Variants in SV2C observed in about 807,000 individuals in gnomAD.
SV2C encodes the protein solute carrier family 22 member B3.
In SV2C, 49 loss-of-function variants were observed where a neutral mutation model predicts 79.7. The ratio of observed to expected loss-of-function variants is 0.61; its 90% CI spans 0.49 to 0.78. SV2C has a LOEUF of 0.78. Among genes scored for constraint, SV2C ranks in the 30% least tolerant of loss-of-function variants. The probability of loss-of-function intolerance (pLI) is 0.00; values close to 1 mark genes in which losing one functional copy is unlikely to be tolerated. For synonymous variants in SV2C, 334 were observed against 333.2 expected, an observed-to-expected ratio of 1.00 and a Z score of -0.03; for missense variants, 833 against 912.9, an observed-to-expected ratio of 0.91 and a Z score of 1.13.
intron 1 of SV2C, among the ~76,000 whole-genome samples, chr5:76,088,219 T>C (rs543485640): frequency 3.9e-5 from 6 of 152,364 alleles, no homozygotes; most frequent in Non-Finnish European, 8.8e-5. Context: ...TAATACAGTG[T>C]GCTTTTCCTC....
At chr5:76,243,138 G>A (rs1211399076) in intron 4 of SV2C, among the ~76,000 whole-genome samples, 1 of 152,018 alleles carries the variant, frequency 6.6e-6, no homozygotes, top group East Asian at 1.9e-4. Context: ...AGAGGTTGGT[G>A]AGGGGCAAGG....
At chr5:75,869,346 G>A in the SV2C span, among the ~76,000 whole-genome samples, 1 of 152,324 alleles carries the variant, frequency 6.6e-6, no homozygotes, top group African/African-American at 2.4e-5. Flanking sequence ...GGGCATTAAG[G>A]GAATATCATT....
chr5:76,099,884 T>A (rs1747680816), intron 1 of SV2C, among the ~76,000 whole-genome samples: 1 of 152,214 alleles, frequency 6.6e-6, no homozygotes, highest in African/African-American at 2.4e-5. Context: ...TTTTTTAGGC[T>A]CAGATTTCTC....
At chr5:75,902,458 C>G in the SV2C span, among the ~76,000 whole-genome samples, 2 of 152,218 alleles carry the variant, frequency 1.3e-5, no homozygotes, top group African/African-American at 4.8e-5. Context: ...TAGCTGTCAT[C>G]CCTTTCACCT....
the SV2C span, among the ~76,000 whole-genome samples, chr5:75,885,762 T>G: frequency 6.6e-6 from 1 of 152,018 alleles, no homozygotes; most frequent in Admixed American, 6.6e-5. Context: ...TGCTGGCATC[T>G]ATGAACTTGT....
chr5:76,266,708 T>G (rs559110990), intron 4 of SV2C, among the ~76,000 whole-genome samples: 1 of 151,736 alleles, frequency 6.6e-6, no homozygotes, highest in Non-Finnish European at 1.5e-5. Context: ...CAGTTTGGGA[T>G]GATGGAAATA....
In SV2C at chr5:76,325,499, A is replaced by G. The variant is rs1172585182; in HGVS notation, c.2136A>G (p.Gly712=). ...CTTCTACTGTGCTCGTGTGTGGAGGACTCGTTGGGCTGTGCCTGCCTGACA... is the reference window on the plus strand; with the variant it reads ...CTTCTACTGTGCTCGTGTGTGGAGGGCTCGTTGGGCTGTGCCTGCCTGACA... ...LLASTVLVCG[G]LVGLCLPDTR... The change falls in exon 13 of 13, where the codon GGA becomes GGG. Residue 712 remains glycine (G), a synonymous_variant. Coordinates refer to ENST00000502798, the MANE Select transcript of SV2C (RefSeq NM_014979.4). The G allele has an allele frequency of 1.2e-6, 2 of 1,613,752 alleles. No individual in the cohort carries two copies. Among genetic ancestry groups the G allele is most frequent in the East Asian group, 2.2e-5 (1 of 44,890 alleles).
rs1416031770 is a variant in SV2C at position 76,191,773 on chromosome 5, G to A, written c.581-3146G>A. Among the ~76,000 whole-genome samples the A allele has an allele frequency of 2.0e-5, 3 of 152,360 alleles. No individual in the cohort carries two copies. In the East Asian group the frequency reaches 5.8e-4, roughly 29 times the overall value. ...TAAGAGCCTGGACTGGCCAGGAATG[G>A]CCTTCACCAGAACTATGGTAGGAAG... is the stretch of plus-strand genomic sequence containing the variant. On this transcript the variant is annotated intron_variant, in intron 2 of 12. Transcript: ENST00000502798.
chr5:75,935,836 G>C, the SV2C span, among the ~76,000 whole-genome samples: 1 of 152,078 alleles, frequency 6.6e-6, no homozygotes, highest in African/African-American at 2.4e-5. Flanking sequence ...CATAGCTACA[G>C]GTTTTCTATT....
chr5:76,080,584 T>G (rs549245525), upstream of SV2C, among the ~76,000 whole-genome samples: 12 of 152,370 alleles, frequency 7.9e-5, no homozygotes, highest in South Asian at 2.5e-3. Flanking sequence ...ATAACCACTA[T>G]AGCATCTGTA....
the SV2C span, among the ~76,000 whole-genome samples, chr5:75,895,383 A>G: frequency 9.8e-5 from 15 of 152,304 alleles, no homozygotes; most frequent in African/African-American, 2.6e-4. Flanking sequence ...AAATATGTTC[A>G]AATAACTGAA....
chr5:75,849,734 G>A, the SV2C span, among the ~76,000 whole-genome samples: 1 of 152,144 alleles, frequency 6.6e-6, no homozygotes, highest in African/African-American at 2.4e-5. Context: ...AGTGTTAAAA[G>A]ATTTGAATTT....
chr5:75,952,256 T>TCCG, the SV2C span, among the ~76,000 whole-genome samples: 1 of 100,966 alleles, frequency 9.9e-6, no homozygotes, highest in Non-Finnish European at 2.1e-5. Context: ...TTTTCCTTCC[T>TCCG]TCCTTCCTTC....
intron 4 of SV2C, among the ~76,000 whole-genome samples, chr5:76,246,583 C>A (rs921890053): frequency 6.6e-6 from 1 of 152,060 alleles, no homozygotes; most frequent in African/African-American, 2.4e-5. Context: ...TAAGTAGGCA[C>A]CTTCTGGGTC....
chr5:76,289,417 T>G (rs1266591929), intron 6 of SV2C, among the ~76,000 whole-genome samples: 2 of 152,186 alleles, frequency 1.3e-5, no homozygotes, highest in Non-Finnish European at 2.9e-5. Flanking sequence ...AAATGGCATC[T>G]TTGGGCAGTG....
chr5:75,971,448 C>T, the SV2C span, among the ~76,000 whole-genome samples: 1 of 152,064 alleles, frequency 6.6e-6, no homozygotes, highest in Non-Finnish European at 1.5e-5. Flanking sequence ...CCCAAAATCT[C>T]CTTAAGCTGA....
At chr5:75,896,265 C>T in the SV2C span, among the ~76,000 whole-genome samples, 6 of 148,972 alleles carry the variant, frequency 4.0e-5, no homozygotes, top group Admixed American at 2.0e-4. Context: ...TTCCTGTGTC[C>T]ATATGTTCTC....
the SV2C span, among the ~76,000 whole-genome samples, chr5:76,047,694 A>G: frequency 3.3e-5 from 5 of 152,172 alleles, no homozygotes; most frequent in Non-Finnish European, 7.3e-5. Flanking sequence ...AGATAGAAAA[A>G]ATAAGTTCAA....
chr5:76,113,968 G>A (rs148658587), intron 1 of SV2C, among the ~76,000 whole-genome samples: 1 of 152,170 alleles, frequency 6.6e-6, no homozygotes, highest in African/African-American at 2.4e-5. Flanking sequence ...CAGGCTTGTG[G>A]CAGCAGAGAC....
Sources: allele counts gnomAD v4.1 joint callset (sites outside exome capture counted in the v4.1 genomes callset), GRCh38; gene constraint gnomAD v4.1.1; transcripts MANE v1.5; gene names NCBI Gene and HGNC (gene_info 2026-07-23, HGNC 2026-07-21).